Variants in SEMA5A observed in about 807,000 individuals in gnomAD.
The protein encoded by SEMA5A is semaphorin-5A.
A neutral mutation model predicts 135.5 loss-of-function variants in SEMA5A; 55 were observed. The observed-to-expected ratio is 0.41, with a 90% CI of 0.33 to 0.51. The LOEUF (loss-of-function observed/expected upper bound fraction) is 0.51, where lower values mean the gene tolerates loss of function less well. Ranked by LOEUF, SEMA5A falls within the 20% of genes least tolerant of loss-of-function variation. The pLI is 0.37. For missense variants in SEMA5A, 1,290 were observed against 1,419.9 expected, an observed-to-expected ratio of 0.91 and a Z score of 1.47; for synonymous variants, 580 against 546.5, an observed-to-expected ratio of 1.06 and a Z score of -0.85.
chr5:9,242,957 T>C (rs560933589), intron 5 of SEMA5A, among the ~76,000 whole-genome samples: 3 of 152,354 alleles, frequency 2.0e-5, no homozygotes, highest in South Asian at 2.1e-4. Context: ...AAAGCCCTTA[T>C]GCTAATGCCC....
At chr5:9,444,337 C>T (rs189152230) in intron 1 of SEMA5A, among the ~76,000 whole-genome samples, 1 of 152,150 alleles carries the variant, frequency 6.6e-6, no homozygotes, top group East Asian at 1.9e-4. Context: ...TATCCCTCAC[C>T]CGCTTTCCAC....
intron 1 of SEMA5A, among the ~76,000 whole-genome samples, chr5:9,509,031 A>G (rs1373021542): frequency 1.3e-5 from 2 of 152,142 alleles, no homozygotes; most frequent in Non-Finnish European, 1.5e-5. Flanking sequence ...GGGAGTTTAC[A>G]TAATCTGCAA....
chr5:9,399,420 C>T (rs939121215), intron 2 of SEMA5A, among the ~76,000 whole-genome samples: 6 of 152,090 alleles, frequency 3.9e-5, no homozygotes, highest in African/African-American at 4.8e-5. Context: ...TATGCAAATC[C>T]GTAGAGACAG....
chr5:9,354,900 A>G (rs1754374885), intron 3 of SEMA5A, among the ~76,000 whole-genome samples: 1 of 152,174 alleles, frequency 6.6e-6, no homozygotes, highest in South Asian at 2.1e-4. Flanking sequence ...AAAGGCCCTA[A>G]GCTGATGATG....
intron 1 of SEMA5A, among the ~76,000 whole-genome samples, chr5:9,503,422 T>C (rs1319620691): frequency 6.6e-6 from 1 of 152,152 alleles, no homozygotes; most frequent in Non-Finnish European, 1.5e-5. Flanking sequence ...TCCTAGAGAC[T>C]ATCTATTTCC....
chr5:9,254,027 A>G (rs1279769016), intron 5 of SEMA5A, among the ~76,000 whole-genome samples: 1 of 152,222 alleles, frequency 6.6e-6, no homozygotes, highest in Non-Finnish European at 1.5e-5. Flanking sequence ...ACAAAATAGA[A>G]ATAGAAACAT....
chr5:9,172,365 C>T (rs980633967), intron 11 of SEMA5A, among the ~76,000 whole-genome samples: 4 of 152,166 alleles, frequency 2.6e-5, no homozygotes, highest in African/African-American at 9.7e-5. Flanking sequence ...CAAATCAAGG[C>T]ATTTGTGGTT....
chr5:9,153,611 A>G (rs996630709), intron 12 of SEMA5A, among the ~76,000 whole-genome samples: 12 of 150,666 alleles, frequency 8.0e-5, no homozygotes, highest in Non-Finnish European at 1.6e-4. Flanking sequence ...GTGGCGGGGG[A>G]GGGGGGGGTG....
In SEMA5A at chr5:9,197,740, G is replaced by A. The variant is rs1178716404; in HGVS notation, c.933-437C>T. On this transcript the variant is annotated intron_variant, in intron 9 of 22. Transcript: ENST00000382496. ...CAGGGAAAGCTGTTTGTGTGTGTGT[G>A]TGTGTGTGTGTGTGTGTGTGTGTGT... Among the ~76,000 whole-genome samples, 530 of 96,800 alleles carry A rather than the reference G, an allele frequency of 5.5e-3. 17 individuals carry two copies. The highest frequency in any genetic ancestry group is 7.0e-3 in the Non-Finnish European group (303 of 43,142). The allele number at this position is 96,800 out of a possible 152,430, so 63.5% of individuals were successfully genotyped here.
intron 21 of SEMA5A, 62 bp downstream of exon 21, chr5:9,050,348 G>T (rs376749571): frequency 7.7e-6 from 11 of 1,423,310 alleles, no homozygotes; most frequent in Non-Finnish European, 9.6e-6. Flanking sequence ...AAACATGCAG[G>T]AAGGGAAATG....
At chr5:9,276,793 C>A (rs1465496881) in intron 5 of SEMA5A, among the ~76,000 whole-genome samples, 3 of 152,150 alleles carry the variant, frequency 2.0e-5, no homozygotes, top group Non-Finnish European at 4.4e-5. Context: ...CTTCCTTACA[C>A]CTTATACAAA....
chr5:9,180,740 C>CT (rs1045025232), intron 11 of SEMA5A, among the ~76,000 whole-genome samples: 4 of 151,876 alleles, frequency 2.6e-5, no homozygotes, highest in East Asian at 3.9e-4. Context: ...CCTTGCCCTA[C>CT]TTTTTTTAGA....
At chr5:9,401,124 G>T (rs1579480489) in intron 2 of SEMA5A, among the ~76,000 whole-genome samples, 2 of 152,010 alleles carry the variant, frequency 1.3e-5, no homozygotes, top group African/African-American at 2.4e-5. Flanking sequence ...TTTTTCCACT[G>T]TTCAAGCAAT....
intron 1 of SEMA5A, among the ~76,000 whole-genome samples, chr5:9,486,105 A>G (rs115383799): frequency 0.011 from 1,682 of 152,308 alleles, 27 homozygotes; most frequent in African/African-American, 0.037. Flanking sequence ...AAGGAATGAG[A>G]TCATGTCGTC....
At chr5:9,200,890 C>A (rs1215849945) in intron 9 of SEMA5A, among the ~76,000 whole-genome samples, 1 of 152,030 alleles carries the variant, frequency 6.6e-6, no homozygotes, top group African/African-American at 2.4e-5. Flanking sequence ...ATAGGGTGAC[C>A]AGTTGTCCTG....
chr5:9,374,791 C>T (rs528652258), intron 3 of SEMA5A, among the ~76,000 whole-genome samples: 38 of 152,198 alleles, frequency 2.5e-4, no homozygotes, highest in Middle Eastern at 3.4e-3. Flanking sequence ...CTTCCTCTCC[C>T]GCACCCACCC....
At chr5:9,093,058 T>C (rs1739122570) in intron 16 of SEMA5A, among the ~76,000 whole-genome samples, 1 of 152,202 alleles carries the variant, frequency 6.6e-6, no homozygotes, top group Admixed American at 6.5e-5. Flanking sequence ...CAAGTTTATA[T>C]AACTTATTTT....
At chr5:9,541,654 C>T (rs141782926) in intron 1 of SEMA5A, among the ~76,000 whole-genome samples, 1 of 152,260 alleles carries the variant, frequency 6.6e-6, no homozygotes, top group South Asian at 2.1e-4. Flanking sequence ...ATAAAGTGTG[C>T]TTGTCTTTGC....
chr5:9,163,755 A>G (rs544807260), intron 11 of SEMA5A, among the ~76,000 whole-genome samples: 2 of 151,982 alleles, frequency 1.3e-5, no homozygotes, highest in Admixed American at 6.6e-5. Context: ...TTGTCCTTAT[A>G]AAAAGAGAAG....
Sources: gnomAD v4.1 joint callset for allele counts (sites outside exome capture counted in the v4.1 genomes callset) on GRCh38, gnomAD v4.1.1 for gene constraint, MANE v1.5 for transcripts, NCBI Gene and HGNC (gene_info 2026-07-23, HGNC 2026-07-21) for gene names.